The following MYO19 variants were observed in gnomAD, a reference collection of about 807,000 sequenced individuals.
The protein encoded by MYO19 is myosin XIX.
A neutral mutation model predicts 129.2 loss-of-function variants in MYO19; 132 were observed. The observed-to-expected ratio is 1.02, with a 90% confidence interval of 0.89 to 1.18. The LOEUF is 1.18. Among genes scored for constraint, MYO19 ranks in the 50% most tolerant of loss-of-function variants. MYO19 has a pLI of 0.00. For synonymous variants in MYO19, 531 were observed against 477.2 expected, an observed-to-expected ratio of 1.11 and a Z score of -1.47; for missense variants, 1,210 against 1,216.7, an observed-to-expected ratio of 0.99 and a Z score of 0.08.
Position 36,496,277 on chromosome 17 carries a change from A to T in MYO19, c.2887T>A (p.Ser963Thr). 6.2e-7 allele frequency: 1 copy of T among 1,614,052 alleles called. No individual in the cohort carries two copies. The change falls in exon 26 of 26, where the codon TCT (serine) becomes ACT (threonine). Residue 963 changes from serine (S) to threonine (T), a missense_variant. By Grantham distance (58) the Ser-to-Thr change is moderately conservative (BLOSUM62 1). Transcript: ENST00000614623. ...CACCCCAGCCCAGTGAAGGCAGAAG[A>T]GGTCACGTGGATCAGCCTGTGTCTT... is the stretch of plus-strand genomic sequence containing the variant. ...LERHRLIHVT[S>T]SAFTGLG is the part of the protein sequence containing the mutation.
intron 24 of MYO19, chr17:36,498,785 A>G (rs547365107): frequency 3.3e-6 from 2 of 600,400 alleles, no homozygotes; most frequent in Admixed American, 3.0e-5. Flanking sequence ...ACAAGATAAG[A>G]GTCCATCAAG....
intron 2 of MYO19, 37 bp from the exon 3 acceptor site, chr17:36,532,718 G>A (rs1175410052): frequency 2.8e-6 from 2 of 714,174 alleles, no homozygotes; most frequent in South Asian, 1.8e-5. Context: ...CCACACACAG[G>A]TGAGGGCTTT....
At chr17:36,512,922 A>G in intron 11 of MYO19, 1 of 903,898 alleles carries the variant, frequency 1.1e-6, no homozygotes. Flanking sequence ...GGTTGGGGGA[A>G]GACAGAGAGG....
At chr17:36,512,526 G>A in intron 11 of MYO19, 1 of 1,013,770 alleles carries the variant, frequency 9.9e-7, no homozygotes, top group Non-Finnish European at 1.3e-6. Flanking sequence ...CCAGAAGACT[G>A]CCATGCCCAC....
intron 9 of MYO19, 87 bp from the exon 10 acceptor site, chr17:36,513,812 G>T: frequency 8.4e-7 from 1 of 1,196,538 alleles, no homozygotes; most frequent in Admixed American, 2.2e-5. Flanking sequence ...GGGATAAGAG[G>T]AGAGTTGGTA....
At chr17:36,499,654 C>CTTTTTCTTTT (rs1260911885) in intron 23 of MYO19, 1 of 73,092 alleles carries the variant, frequency 1.4e-5, no homozygotes, top group African/African-American at 6.0e-5. Context: ...TATTCTTTTT[C>CTTTTTCTTTT]TTTTTGTTTC....
At chr17:36,496,840 A>G (rs1031895066) in intron 25 of MYO19, among the ~76,000 whole-genome samples, 1 of 152,148 alleles carries the variant, frequency 6.6e-6, no homozygotes, top group African/African-American at 2.4e-5. Flanking sequence ...CTCCGAGAAA[A>G]TGTGTCTTAG....
At chr17:36,518,118 G>A (rs572457190) in intron 6 of MYO19, among the ~76,000 whole-genome samples, 3 of 150,052 alleles carry the variant, frequency 2.0e-5, no homozygotes, top group African/African-American at 7.3e-5. Flanking sequence ...TAATGAAGAT[G>A]TTGTGCTTTC....
At chr17:36,503,345 A>T (rs1011193353) in intron 20 of MYO19, 145 bp from the exon 21 acceptor site, 5 of 707,876 alleles carry the variant, frequency 7.1e-6, no homozygotes, top group Non-Finnish European at 1.2e-5. Flanking sequence ...ACTGAATGTG[A>T]ATGTGGTTTT....
chr17:36,507,716 A>G, intron 15 of MYO19, 87 bp downstream of exon 15: 1 of 1,448,964 alleles, frequency 6.9e-7, no homozygotes, highest in Middle Eastern at 2.4e-4. Context: ...AAAGGCTTCT[A>G]ATCAGAACCT....
intron 12 of MYO19, 45 bp from the exon 13 acceptor site, chr17:36,510,962 T>C (rs2072283655): frequency 1.3e-6 from 2 of 1,528,720 alleles, no homozygotes; most frequent in South Asian, 1.2e-5. Flanking sequence ...CTCCATCCAG[T>C]CCTCTTCACG....
chr17:36,539,614 A>C (rs1052427306), upstream of MYO19, among the ~76,000 whole-genome samples: 5 of 152,166 alleles, frequency 3.3e-5, no homozygotes, highest in African/African-American at 1.2e-4. Context: ...TACAAAAAAA[A>C]AAATAGACTG....
At position 36,496,072 on chromosome 17, in the gene MYO19, G is replaced by T; in HGVS notation, c.*179C>A. 1 of 907,968 alleles carries T rather than the reference G, an allele frequency of 1.1e-6. No individual in the cohort carries two copies. The highest frequency in any genetic ancestry group is 1.6e-6 in the Non-Finnish European group (1 of 609,964). 56.2% of individuals were successfully genotyped at this position (907,968 alleles called of 1,614,324 possible). ...ACACCATCAGTGCTTGATGTAGCCT[G>T]GAACCCCAGGCCCACTGACGCACTG... On this transcript the variant is annotated 3_prime_UTR_variant, in exon 26 of 26. Coordinates refer to ENST00000614623, the MANE Select transcript of MYO19 (RefSeq NM_001163735.2).
chr17:36,498,572 A>G lies in MYO19; in HGVS notation c.2464-13T>C, dbSNP rs376203338. On this transcript the variant is annotated splice_polypyrimidine_tract_variant and intron_variant, in intron 24 of 25. Transcript: ENST00000614623. ...AGGCCATTCTGATCTTAAAAAGCAA[A>G]TATCCCTTTATAGCTTTAGATTTAT... 232 of 1,602,436 alleles carry G rather than the reference A, an allele frequency of 1.4e-4. No individual in the cohort carries two copies. The highest frequency in any genetic ancestry group is 1.8e-4 in the Non-Finnish European group (207 of 1,171,850).
At chr17:36,513,549 G>C (rs781682513) in intron 10 of MYO19, 44 bp from the exon 11 acceptor site, 4 of 1,613,780 alleles carry the variant, frequency 2.5e-6, no homozygotes, top group Non-Finnish European at 3.4e-6. Flanking sequence ...GCAGCAGCAA[G>C]ATGCGAGGGA....
At chr17:36,501,264 C>G in intron 21 of MYO19, 29 bp from the exon 22 acceptor site, 2 of 1,592,180 alleles carry the variant, frequency 1.3e-6, no homozygotes, top group Non-Finnish European at 1.7e-6. Context: ...CCCATCAGTG[C>G]ATGGTCATCT....
chr17:36,497,620 T>A, intron 25 of MYO19: 4 of 876,664 alleles, frequency 4.6e-6, no homozygotes, highest in Non-Finnish European at 5.5e-6. Context: ...ACTCTCGTCC[T>A]GTCACCCAGG....
At chr17:36,512,196 AACACACACACACACAC>A (rs57765074) in intron 11 of MYO19, among the ~76,000 whole-genome samples, 39 of 138,214 alleles carry the variant, frequency 2.8e-4, no homozygotes, top group South Asian at 2.3e-3. Flanking sequence ...ACTAAAAATA[AACACACACACACACAC>A]ACACACACAC....
Position 36,496,227 on chromosome 17 carries a change from T to A in MYO19, c.*24A>T. 1 of 1,612,780 alleles carries A rather than the reference T, an allele frequency of 6.2e-7. No homozygotes were observed. The highest frequency in any genetic ancestry group is 8.5e-7 in the Non-Finnish European group (1 of 1,179,076). On this transcript the variant is annotated 3_prime_UTR_variant, in exon 26 of 26. Coordinates refer to ENST00000614623, the MANE Select transcript of MYO19 (RefSeq NM_001163735.2). ...GCAAGGCAGGGGGCAGGAAAAGGCC[T>A]TGTGGAAACAAAGGCACCAAGGATC...
Sources: gnomAD v4.1 joint callset for allele counts (sites outside exome capture counted in the v4.1 genomes callset) on GRCh38, gnomAD v4.1.1 for gene constraint, MANE v1.5 for transcripts, NCBI Gene and HGNC (gene_info 2026-07-23, HGNC 2026-07-21) for gene names.